The following OPCML variants were observed in gnomAD, a reference collection of about 807,000 sequenced individuals.
The protein encoded by OPCML is opioid binding protein/cell adhesion molecule like, also known as opioid-binding protein/cell adhesion molecule.
OPCML carries 13 observed loss-of-function variants against 37.8 expected under a neutral mutation model. The observed-to-expected ratio is 0.34, with a 90% CI of 0.22 to 0.55. The LOEUF is 0.55. Ranked by LOEUF, OPCML falls within the 20% of genes least tolerant of loss-of-function variation. The pLI is 0.91. For missense variants in OPCML, 341 were observed against 435.6 expected (o/e 0.78, Z 1.93); for synonymous variants, 176 against 168.8 (o/e 1.04, Z -0.33).
At chr11:133,405,561 C>T (rs76198273) in intron 1 of OPCML, among the ~76,000 whole-genome samples, 2,430 of 152,266 alleles carry the variant, frequency 0.016, 54 homozygotes, top group African/African-American at 0.055. Context: ...CAGGGATTCC[C>T]TGTCTTCATG....
chr11:132,832,857 G>A (rs1940778206), intron 2 of OPCML, among the ~76,000 whole-genome samples: 1 of 152,088 alleles, frequency 6.6e-6, no homozygotes, highest in South Asian at 2.1e-4. Flanking sequence ...GTAACACAAT[G>A]GTAAGTATTT....
chr11:133,378,225 A>G (rs951469169), intron 1 of OPCML, among the ~76,000 whole-genome samples: 1 of 152,132 alleles, frequency 6.6e-6, no homozygotes, highest in African/African-American at 2.4e-5. Flanking sequence ...GGGCGTCTTC[A>G]TTCAATGAAA....
At chr11:132,982,933 T>C (rs1946617824) in intron 1 of OPCML, among the ~76,000 whole-genome samples, 1 of 152,178 alleles carries the variant, frequency 6.6e-6, no homozygotes, top group Non-Finnish European at 1.5e-5. Context: ...ATCACAGAGT[T>C]GATACTCCTG....
At chr11:132,503,430 T>C (rs1020766136) in intron 4 of OPCML, among the ~76,000 whole-genome samples, 1 of 152,206 alleles carries the variant, frequency 6.6e-6, no homozygotes, top group Non-Finnish European at 1.5e-5. Context: ...TACATTTTCC[T>C]GTCCCCACTA....
chr11:132,936,396 A>C (rs1010795182), intron 2 of OPCML, among the ~76,000 whole-genome samples: 1 of 152,134 alleles, frequency 6.6e-6, no homozygotes, highest in African/African-American at 2.4e-5. Flanking sequence ...CTAAACCTGG[A>C]CCCGTAGGCT....
intron 2 of OPCML, among the ~76,000 whole-genome samples, chr11:132,851,078 T>A (rs1941787750): frequency 6.6e-6 from 1 of 152,226 alleles, no homozygotes; most frequent in Admixed American, 6.5e-5. Context: ...AGCATATCCT[T>A]TATTTATGAA....
At chr11:133,514,583 T>G (rs1160463531) in intron 1 of OPCML, among the ~76,000 whole-genome samples, 1 of 152,204 alleles carries the variant, frequency 6.6e-6, no homozygotes, top group Non-Finnish European at 1.5e-5. Context: ...TCAAGAGTCC[T>G]TTTTTAAATA....
intron 1 of OPCML, chr11:133,007,879 G>C: frequency 1.0e-6 from 1 of 985,418 alleles, no homozygotes. Flanking sequence ...TGGGGAAAAT[G>C]GTTTATGCTT....
intron 2 of OPCML, among the ~76,000 whole-genome samples, chr11:132,661,608 C>G (rs1376225909): frequency 6.6e-6 from 1 of 152,074 alleles, no homozygotes; most frequent in African/African-American, 2.4e-5. Context: ...TAAGGGGGAG[C>G]CAAGAGGCAA....
At chr11:132,516,305 G>A (rs980148949) in intron 4 of OPCML, among the ~76,000 whole-genome samples, 1 of 152,156 alleles carries the variant, frequency 6.6e-6, no homozygotes, top group Non-Finnish European at 1.5e-5. Flanking sequence ...GACTTGAAGT[G>A]CCTTCTCCAA....
At chr11:132,486,650 CCTTT>C (rs2096200736) in intron 4 of OPCML, among the ~76,000 whole-genome samples, 1 of 151,576 alleles carries the variant, frequency 6.6e-6, no homozygotes, top group Non-Finnish European at 1.5e-5. Flanking sequence ...TTTTAATTTT[CCTTT>C]CTTTCTTTTC....
At chr11:132,516,050 A>C (rs2096278924) in intron 4 of OPCML, among the ~76,000 whole-genome samples, 1 of 152,066 alleles carries the variant, frequency 6.6e-6, no homozygotes, top group Admixed American at 6.5e-5. Context: ...TTCCAGCACA[A>C]GTCATAGGTC....
At chr11:133,368,269 G>T (rs970467420) in intron 1 of OPCML, among the ~76,000 whole-genome samples, 5 of 151,962 alleles carry the variant, frequency 3.3e-5, no homozygotes, top group Middle Eastern at 3.4e-3. Context: ...GAGAAGAACA[G>T]GGAGGAGAAG....
At chr11:132,936,879 C>A (rs957785189) in intron 2 of OPCML, among the ~76,000 whole-genome samples, 1 of 152,024 alleles carries the variant, frequency 6.6e-6, no homozygotes, top group Admixed American at 6.6e-5. Flanking sequence ...TGAGCAAGAG[C>A]GGCTTCATTC....
At chr11:132,693,554 T>C (rs77552319) in intron 2 of OPCML, among the ~76,000 whole-genome samples, 3,522 of 152,168 alleles carry the variant, frequency 0.023, 135 homozygotes, top group African/African-American at 0.08. Context: ...AAAAGGAAAA[T>C]TCAGCTTAAG....
intron 1 of OPCML, among the ~76,000 whole-genome samples, chr11:133,407,596 G>C (rs1945552479): frequency 6.6e-6 from 1 of 152,048 alleles, no homozygotes; most frequent in Admixed American, 6.5e-5. Context: ...GCAAAAGATG[G>C]GTTGCCACCC....
chr11:133,024,912 T>A (rs184602014), intron 1 of OPCML: 1 of 985,290 alleles, frequency 1.0e-6, no homozygotes. Context: ...ATCTACAGCA[T>A]ACAAATTTGC....
At chr11:132,795,121 C>A (rs1938227533) in intron 2 of OPCML, among the ~76,000 whole-genome samples, 1 of 152,124 alleles carries the variant, frequency 6.6e-6, no homozygotes, top group Admixed American at 6.5e-5. Context: ...CACAGACACA[C>A]ACACACACAC....
intron 1 of OPCML, among the ~76,000 whole-genome samples, chr11:133,168,731 C>T (rs1950247908): frequency 6.6e-6 from 1 of 152,116 alleles, no homozygotes; most frequent in African/African-American, 2.4e-5. Flanking sequence ...CCACTCATAC[C>T]CAGCATGCCC....
Sources: gnomAD v4.1 joint callset for allele counts (sites outside exome capture counted in the v4.1 genomes callset) on GRCh38, gnomAD v4.1.1 for gene constraint, MANE v1.5 for transcripts, NCBI Gene and HGNC (gene_info 2026-07-23, HGNC 2026-07-21) for gene names.